WDR1: variants seen among roughly 807,000 people sequenced by gnomAD.
WDR1 encodes the protein WD repeat-containing protein 1.
Under a neutral mutation model 71.9 loss-of-function variants are expected in WDR1, and 21 were observed. The ratio of observed to expected loss-of-function variants is 0.29; its 90% confidence interval spans 0.21 to 0.42. The LOEUF (loss-of-function observed/expected upper bound fraction) is 0.42, where lower values mean the gene tolerates loss of function less well. Among genes scored for constraint, WDR1 ranks in the 10% least tolerant of loss-of-function variants. The probability of loss-of-function intolerance (pLI) is 1.00; values close to 1 mark genes in which losing one functional copy is unlikely to be tolerated. For missense variants in WDR1, 696 were observed against 824.5 expected, an observed-to-expected ratio of 0.84 and a Z score of 1.91; for synonymous variants, 424 against 347.4, an observed-to-expected ratio of 1.22 and a Z score of -2.45.
chr4:10,078,638 T>C (rs1224024583), intron 12 of WDR1: 2 of 405,186 alleles, frequency 4.9e-6, no homozygotes, highest in Admixed American at 4.7e-5. Flanking sequence ...TCTACCTCAC[T>C]GTCCACAGTC....
chr4:10,089,247 G>A (rs1423957113), intron 5 of WDR1, among the ~76,000 whole-genome samples: 3 of 152,108 alleles, frequency 2.0e-5, no homozygotes, highest in Non-Finnish European at 4.4e-5. Context: ...TAGCTGGGAC[G>A]ACAGGTGCCC....
chr4:10,099,549 G>C (rs1712563944), intron 3 of WDR1, among the ~76,000 whole-genome samples: 1 of 152,268 alleles, frequency 6.6e-6, no homozygotes, highest in Admixed American at 6.5e-5. Flanking sequence ...GTGGGCCTCA[G>C]GCCACCTTTG....
chr4:10,104,175 G>C (rs1422262459), intron 2 of WDR1, among the ~76,000 whole-genome samples, 189 bp from the exon 3 acceptor site: 2 of 152,218 alleles, frequency 1.3e-5, no homozygotes, highest in African/African-American at 4.8e-5. Flanking sequence ...CTGGGTGATA[G>C]AATTTCATGT....
Position 10,083,670 on chromosome 4 carries a change from A to G in WDR1, c.1040-492T>C. 10 of 471,692 alleles carry G rather than the reference A, an allele frequency of 2.1e-5. No individual in the cohort carries two copies. In the Admixed American group the frequency reaches 2.2e-4, roughly 11 times the overall value. The allele number at this position is 471,692 out of a possible 1,614,324, so 29.2% of individuals were successfully genotyped here. The stretch of plus-strand genomic sequence containing the variant: ...CAGCACGGTGCTCAGGGAGGGCAGC[A>G]GAACAACGCACAGCAGGTGCCATCA... On this transcript the variant is annotated intron_variant, in intron 9 of 14. Coordinates refer to ENST00000499869, the MANE Select transcript of WDR1 (RefSeq NM_017491.5).
chr4:10,083,253 T>C (rs2109645869), intron 9 of WDR1, 75 bp from the exon 10 acceptor site: 1 of 1,503,070 alleles, frequency 6.7e-7, no homozygotes, highest in Admixed American at 2.1e-5. Context: ...GTCCTAAGAT[T>C]CTCCATTTAC....
chr4:10,112,755 C>T lies in WDR1; in HGVS notation c.138+3358G>A, dbSNP rs114128618. Among the ~76,000 whole-genome samples, 647 of 152,336 alleles carry T rather than the reference C, an allele frequency of 4.2e-3. 5 individuals are homozygous for T. Among genetic ancestry groups the T allele is most frequent in the East Asian group, 0.02 (104 of 5,180 alleles). On this transcript the variant is annotated intron_variant, in intron 2 of 14. Coordinates refer to ENST00000499869, the MANE Select transcript of WDR1 (RefSeq NM_017491.5). ...CCTCAGTGGCTGCCTATTATCTTCACGACACAGCCTGGTTTTCCAGGCTTT... is the reference window on the plus strand; with the variant it reads ...CCTCAGTGGCTGCCTATTATCTTCATGACACAGCCTGGTTTTCCAGGCTTT...
chr4:10,090,874 A>G (rs1467478561), intron 5 of WDR1, among the ~76,000 whole-genome samples: 1 of 152,238 alleles, frequency 6.6e-6, no homozygotes. Flanking sequence ...CATTTCAGGG[A>G]GTGCTGTCAT....
intron 1 of WDR1, 172 bp from the exon 2 acceptor site, chr4:10,116,406 C>T: frequency 9.6e-7 from 1 of 1,037,340 alleles, no homozygotes; most frequent in South Asian, 1.7e-5. Context: ...GTCCGCGCCC[C>T]GGGCCAGGCC....
intron 2 of WDR1, among the ~76,000 whole-genome samples, chr4:10,114,197 G>A (rs1713567394): frequency 6.6e-6 from 1 of 152,176 alleles, no homozygotes; most frequent in Non-Finnish European, 1.5e-5. Flanking sequence ...ACCTGGCATT[G>A]CAGAAACTTA....
At chr4:10,075,750 G>A (rs2109628154) in intron 14 of WDR1, 2 of 547,194 alleles carry the variant, frequency 3.7e-6, no homozygotes, top group Non-Finnish European at 3.3e-6. Flanking sequence ...AGATGCCAGT[G>A]GCTCCCTCTC....
At chr4:10,088,469 C>T (rs1382431870) in intron 6 of WDR1, 96 bp from the exon 7 acceptor site, 4 of 1,309,146 alleles carry the variant, frequency 3.1e-6, no homozygotes, top group Middle Eastern at 1.8e-4. Context: ...AACCGGGGCT[C>T]ACAGACTAAG....
intron 5 of WDR1, chr4:10,093,046 C>G (rs769744475): frequency 6.2e-6 from 8 of 1,289,042 alleles, no homozygotes; most frequent in African/African-American, 1.5e-5. Context: ...CTCTCACCAC[C>G]GAGGAAACCG....
intron 3 of WDR1, among the ~76,000 whole-genome samples, chr4:10,102,210 G>T (rs1472782847): frequency 6.6e-6 from 1 of 152,222 alleles, no homozygotes; most frequent in Non-Finnish European, 1.5e-5. Flanking sequence ...TGCCTTACTG[G>T]CTCCTTCACA....
In WDR1 at chr4:10,075,350, G is replaced by A. The variant is rs1242532089; in HGVS notation, c.*28C>T. 3 of 1,600,838 alleles carry A rather than the reference G, an allele frequency of 1.9e-6. No homozygotes were observed. The East Asian group carries it at 6.7e-5, about 36-fold the overall frequency. On this transcript the variant is annotated 3_prime_UTR_variant, in exon 15 of 15. Transcript: ENST00000499869. ...CAGTTAAACTCTAGTCCCTGATTCG[G>A]TCCATCCAGAGGCGGGGGTGGGGCT...
At chr4:10,101,477 G>A (rs1377111756) in intron 3 of WDR1, among the ~76,000 whole-genome samples, 2 of 152,062 alleles carry the variant, frequency 1.3e-5, no homozygotes, top group African/African-American at 4.8e-5. Context: ...CAATTGCTTC[G>A]CTCTATTCAA....
chr4:10,106,122 C>CG (rs1712997966), intron 2 of WDR1, among the ~76,000 whole-genome samples: 1 of 76,556 alleles, frequency 1.3e-5, no homozygotes, highest in Non-Finnish European at 2.6e-5. Context: ...GTGGCGGGGG[C>CG]GGGGGGCACC....
intron 2 of WDR1, among the ~76,000 whole-genome samples, chr4:10,113,339 C>T (rs936725144): frequency 2.6e-5 from 4 of 152,176 alleles, no homozygotes; most frequent in South Asian, 2.1e-4. Flanking sequence ...CCAGCTTGGG[C>T]GACAGTAAGC....
At chr4:10,103,513 G>C (rs1184778399) in intron 3 of WDR1, among the ~76,000 whole-genome samples, 2 of 152,132 alleles carry the variant, frequency 1.3e-5, no homozygotes, top group East Asian at 3.8e-4. Context: ...CACCAGGGGT[G>C]TTCAATCTTT....
chr4:10,099,179 G>A (rs748543346), intron 3 of WDR1, 40 bp from the exon 4 acceptor site: 2 of 873,814 alleles, frequency 2.3e-6, no homozygotes, highest in Non-Finnish European at 3.3e-6. Context: ...GGAGGCGGTG[G>A]TGGGGTAAAG....
Sources: gnomAD v4.1 joint callset for allele counts (sites outside exome capture counted in the v4.1 genomes callset) on GRCh38, gnomAD v4.1.1 for gene constraint, MANE v1.5 for transcripts, NCBI Gene and HGNC (gene_info 2026-07-23, HGNC 2026-07-21) for gene names.